The following ATP2C2 variants were observed in gnomAD, a reference collection of about 807,000 sequenced individuals.
ATP2C2 encodes calcium-transporting ATPase type 2C member 2.
ATP2C2 carries 171 observed loss-of-function variants against 110.8 expected under a neutral mutation model. That is an observed-to-expected ratio of 1.54 (90% confidence interval 1.36 to 1.75). The LOEUF (loss-of-function observed/expected upper bound fraction) is 1.75, where lower values mean the gene tolerates loss of function less well. Among genes scored for constraint, ATP2C2 ranks in the 40% most tolerant of loss-of-function variants. The probability of loss-of-function intolerance (pLI) is 0.00; values close to 1 mark genes in which losing one functional copy is unlikely to be tolerated. For missense variants in ATP2C2, 1,963 were observed against 1,235.0 expected (o/e 1.59, Z -8.84); for synonymous variants, 804 against 508.4 (o/e 1.58, Z -7.82).
At chr16:84,404,540 T>C (rs1905579752) in intron 2 of ATP2C2, 1 of 181,210 alleles carries the variant, frequency 5.5e-6, no homozygotes, top group Non-Finnish European at 1.2e-5. Flanking sequence ...TCTTTCGTTC[T>C]CAGGCTAAAT....
chr16:84,409,344 A>C (rs911468256), intron 4 of ATP2C2, among the ~76,000 whole-genome samples: 1 of 152,300 alleles, frequency 6.6e-6, no homozygotes, highest in East Asian at 1.9e-4. Flanking sequence ...AGAAATACCT[A>C]ATGTAAATGA....
chr16:84,393,636 G>C (rs1904794341), intron 1 of ATP2C2, among the ~76,000 whole-genome samples: 1 of 152,004 alleles, frequency 6.6e-6, no homozygotes, highest in African/African-American at 2.4e-5. Context: ...GCCCAGAAAA[G>C]AGGTTATGTT....
intron 1 of ATP2C2, among the ~76,000 whole-genome samples, chr16:84,387,268 T>C (rs1456290660): frequency 6.6e-6 from 1 of 152,230 alleles, no homozygotes; most frequent in East Asian, 1.9e-4. Flanking sequence ...GTGCCTGTAA[T>C]CCCAGCGCGT....
At chr16:84,425,078 C>G (rs970676113) in intron 10 of ATP2C2, among the ~76,000 whole-genome samples, 1 of 152,168 alleles carries the variant, frequency 6.6e-6, no homozygotes, top group Non-Finnish European at 1.5e-5. Flanking sequence ...AGCTGCCCCC[C>G]TCAATACATA....
rs1361387203 is a variant in ATP2C2 at position 84,410,892 on chromosome 16, A to G, written c.515+127A>G. On this transcript the variant is annotated intron_variant, in intron 6 of 26. Coordinates refer to ENST00000262429, the MANE Select transcript of ATP2C2 (RefSeq NM_014861.4). ...GACAAGAGAACCACATCTCACTGGG[A>G]GTTCTAAGGCCTGGTCTCCGCCTGC... 3.9e-5 allele frequency: 36 copies of G among 927,186 alleles called. No individual in the cohort carries two copies. In the South Asian group the frequency reaches 5.6e-4, roughly 14 times the overall value. 57.4% of individuals were successfully genotyped at this position (927,186 alleles called of 1,614,324 possible).
At chr16:84,430,221 G>C (rs1333274617) in intron 11 of ATP2C2, among the ~76,000 whole-genome samples, 1 of 152,206 alleles carries the variant, frequency 6.6e-6, no homozygotes, top group South Asian at 2.1e-4. Context: ...GCTGCCGGGA[G>C]AAGGGGGTGG....
intron 25 of ATP2C2, 39 bp downstream of exon 25, chr16:84,461,851 G>A: frequency 1.2e-6 from 2 of 1,609,356 alleles, no homozygotes; most frequent in Non-Finnish European, 1.7e-6. Flanking sequence ...CAGAGCTGCT[G>A]TGTGTTCTCG....
At chr16:84,425,220 AC>A (rs1907704873) in intron 10 of ATP2C2, among the ~76,000 whole-genome samples, 1 of 152,086 alleles carries the variant, frequency 6.6e-6, no homozygotes, top group African/African-American at 2.4e-5. Context: ...CCCAGTCCCT[AC>A]TCACACCTCC....
intron 16 of ATP2C2, among the ~76,000 whole-genome samples, 189 bp from the exon 17 acceptor site, chr16:84,448,344 C>T (rs955204540): frequency 3.3e-5 from 5 of 152,290 alleles, no homozygotes; most frequent in Admixed American, 6.5e-5. Context: ...GACTGCAAAA[C>T]GTTCCATGGA....
At chr16:84,461,245 G>A in intron 24 of ATP2C2, 2 of 265,226 alleles carry the variant, frequency 7.5e-6, no homozygotes, top group Non-Finnish European at 1.4e-5. Flanking sequence ...CACGATCTAG[G>A]TGGGAAATGA....
chr16:84,424,850 G>T (rs1907669831), intron 10 of ATP2C2, among the ~76,000 whole-genome samples: 2 of 152,142 alleles, frequency 1.3e-5, no homozygotes, highest in Admixed American at 1.3e-4. Flanking sequence ...CTCCTGTGAG[G>T]AGTCTCCAGC....
intron 2 of ATP2C2, among the ~76,000 whole-genome samples, chr16:84,399,496 G>T (rs926627488): frequency 6.6e-6 from 1 of 152,128 alleles, no homozygotes; most frequent in Admixed American, 6.5e-5. Context: ...CTTTTGTTGC[G>T]ACCAGAACAA....
chr16:84,399,687 A>G (rs919324660), intron 2 of ATP2C2, among the ~76,000 whole-genome samples: 3 of 152,288 alleles, frequency 2.0e-5, no homozygotes, highest in Admixed American at 2.0e-4. Context: ...ATACTTTGAT[A>G]CAGGCATACG....
At chr16:84,422,758 A>C in intron 9 of ATP2C2, 61 bp downstream of exon 9, 1 of 1,495,544 alleles carries the variant, frequency 6.7e-7, no homozygotes, top group Non-Finnish European at 9.1e-7. Flanking sequence ...TATTATAGGC[A>C]AATAATACCA....
chr16:84,409,593 T>C (rs1349678009), intron 4 of ATP2C2, among the ~76,000 whole-genome samples: 1 of 152,102 alleles, frequency 6.6e-6, no homozygotes, highest in Non-Finnish European at 1.5e-5. Context: ...CAGTACAACC[T>C]CTGCTTCTCC....
chr16:84,435,486 A>G (rs189999074), intron 11 of ATP2C2, among the ~76,000 whole-genome samples: 28 of 152,298 alleles, frequency 1.8e-4, no homozygotes, highest in Admixed American at 1.7e-3. Context: ...GCAAATATTT[A>G]CTGTATACCT....
intron 7 of ATP2C2, among the ~76,000 whole-genome samples, chr16:84,420,555 C>A (rs909591669): frequency 6.6e-6 from 1 of 151,688 alleles, no homozygotes; most frequent in East Asian, 1.9e-4. Flanking sequence ...TCCCATCTAC[C>A]CCTCACCCGG....
At chr16:84,416,351 T>G (rs535509361) in intron 7 of ATP2C2, among the ~76,000 whole-genome samples, 5 of 152,218 alleles carry the variant, frequency 3.3e-5, no homozygotes, top group South Asian at 4.1e-4. Context: ...CAAGAATCTT[T>G]CCAAGAATGT....
At chr16:84,373,111 C>G (rs1910050536) in intron 1 of ATP2C2, among the ~76,000 whole-genome samples, 1 of 138,148 alleles carries the variant, frequency 7.2e-6, no homozygotes, top group Non-Finnish European at 1.6e-5. Context: ...CAGAGCGAGA[C>G]TCCCTCTCAA....
Sources: allele counts gnomAD v4.1 joint callset (sites outside exome capture counted in the v4.1 genomes callset), GRCh38; gene constraint gnomAD v4.1.1; transcripts MANE v1.5; gene names NCBI Gene and HGNC (gene_info 2026-07-23, HGNC 2026-07-21).